The following ZNF721 variants were observed in gnomAD, a reference collection of about 807,000 sequenced individuals.
ZNF721 encodes zinc finger protein 721.
In ZNF721, 2 loss-of-function variants were observed where a neutral mutation model predicts 2.4. The observed-to-expected ratio is 0.82, with a 90% CI of 0.34 to 2.58. The LOEUF is 2.58. Among genes scored for constraint, ZNF721 ranks in the 30% most tolerant of loss-of-function variants. The pLI is 0.11. For missense variants in ZNF721, 1,187 were observed against 1,085.5 expected, an observed-to-expected ratio of 1.09 and a Z score of -1.31; for synonymous variants, 398 against 381.8, an observed-to-expected ratio of 1.04 and a Z score of -0.50.
chr4:478,532 GTTTATC>G (rs2108716820), intron 1 of ZNF721, among the ~76,000 whole-genome samples: 1 of 151,952 alleles, frequency 6.6e-6, no homozygotes, highest in South Asian at 2.1e-4. Flanking sequence ...AGCCCTCAAG[GTTTATC>G]TTTATAATAG....
rs1714240341 is a variant in ZNF721, at chr4:441,673, C to G, written c.*22G>C. The G allele has an allele frequency of 6.4e-7, 1 of 1,569,634 alleles. No individual in the cohort carries two copies. Among genetic ancestry groups the G allele is most frequent in the Admixed American group, 1.9e-5 (1 of 53,632 alleles). On this transcript the variant is annotated 3_prime_UTR_variant, in exon 3 of 3. Coordinates refer to ENST00000511833, the MANE Select transcript of ZNF721 (RefSeq NM_133474.4). ...TATGTTTAAGAATGCTGTAGTATGA[C>G]TTAAAGGCTTTGCCACATTCTTTAC...
intron 1 of ZNF721, among the ~76,000 whole-genome samples, chr4:482,896 C>T (rs185713358): frequency 1.3e-5 from 2 of 152,286 alleles, no homozygotes; most frequent in East Asian, 3.9e-4. Flanking sequence ...CAGGCAAAAA[C>T]CCAGATATAT....
At position 441,729 on chromosome 4, in the gene ZNF721, T is replaced by C. The variant is rs1553863124; in HGVS notation, c.2738A>G (p.Lys913Arg). ...RQSANLYAHK[K>R]IHTGDKTIQV The stretch of plus-strand genomic sequence containing the variant: ...TATGGTTTTATCTCCAGTATGAATT[T>C]TCTTATGTGCATAAAGATTTGCAGA... Residue 913 changes from lysine to arginine, a missense_variant, in exon 3 of 3, where the codon AAA becomes AGA. By Grantham distance (26) the Lys-to-Arg change is conservative (BLOSUM62 2). Coordinates refer to ENST00000511833, the MANE Select transcript of ZNF721 (RefSeq NM_133474.4). 1.2e-6 allele frequency: 2 copies of C among 1,612,738 alleles called. No homozygotes were observed. Among genetic ancestry groups the C allele is most frequent in the Admixed American group, 3.3e-5 (2 of 59,780 alleles).
In ZNF721 at chr4:499,123, C is replaced by G. The variant is rs900477435; in HGVS notation, c.-161G>C. On this transcript the variant is annotated 5_prime_UTR_variant, in exon 1 of 3. Transcript: ENST00000511833. ...GCCCCACGGAGCCGGGAACACCGCCCGCTGTTCGTATGTCCGAGGTGACGC... is the reference window on the plus strand; with the variant it reads ...GCCCCACGGAGCCGGGAACACCGCCGGCTGTTCGTATGTCCGAGGTGACGC... 3 of 576,856 alleles carry G rather than the reference C, an allele frequency of 5.2e-6. No individual in the cohort carries two copies. Among genetic ancestry groups the G allele is most frequent in the Non-Finnish European group, 8.9e-6 (3 of 336,222 alleles). The allele number at this position is 576,856 out of a possible 1,614,324, so 35.7% of individuals were successfully genotyped here.
At chr4:462,849 A>T (rs1004968423) in intron 2 of ZNF721, among the ~76,000 whole-genome samples, 16 of 152,310 alleles carry the variant, frequency 1.1e-4, no homozygotes, top group African/African-American at 3.6e-4. Flanking sequence ...ATGGGCAAAG[A>T]CTTCATGACT....
intron 1 of ZNF721, among the ~76,000 whole-genome samples, chr4:485,573 T>C: frequency 6.6e-6 from 1 of 152,168 alleles, no homozygotes; most frequent in Non-Finnish European, 1.5e-5. Flanking sequence ...ATTTGAGAAA[T>C]ATTATTTTCA....
Position 442,878 on chromosome 4 carries a change from G to A in ZNF721, c.1589C>T (p.Thr530Ile). 1.2e-6 allele frequency: 2 copies of A among 1,613,350 alleles called. No homozygotes were observed. Among genetic ancestry groups the A allele is most frequent in the Non-Finnish European group, 1.7e-6 (2 of 1,179,774 alleles). ...AAAGGCTTTGCCACATACTTCACAT[G>A]TGTAGGGTTTCTCTCCAGTATGAAT... ...RRIHTGEKPYTCEVCGKAFRQ... is the reference protein window; with the variant it reads ...RRIHTGEKPYICEVCGKAFRQ... Residue 530 changes from threonine to isoleucine, a missense_variant, in exon 3 of 3, where the codon ACA becomes ATA. Coordinates refer to ENST00000511833, the MANE Select transcript of ZNF721 (RefSeq NM_133474.4).
intron 1 of ZNF721, among the ~76,000 whole-genome samples, chr4:473,661 C>G (rs552642717): frequency 6.6e-6 from 1 of 152,218 alleles, no homozygotes; most frequent in Non-Finnish European, 1.5e-5. Flanking sequence ...GGGACAGGAC[C>G]CCTGGACCAC....
chr4:482,432 T>A (rs1183544032), intron 1 of ZNF721, among the ~76,000 whole-genome samples: 1 of 152,190 alleles, frequency 6.6e-6, no homozygotes, highest in Non-Finnish European at 1.5e-5. Flanking sequence ...CCCAAAGTGC[T>A]GGGATTACCA....
chr4:486,977 G>C (rs1715913738), intron 1 of ZNF721, among the ~76,000 whole-genome samples: 1 of 152,190 alleles, frequency 6.6e-6, no homozygotes, highest in Admixed American at 6.5e-5. Flanking sequence ...AGGAAACCTG[G>C]CTGAGTAGTG....
chr4:449,584 A>C (rs1319747474), intron 2 of ZNF721, among the ~76,000 whole-genome samples: 1 of 152,176 alleles, frequency 6.6e-6, no homozygotes, highest in Non-Finnish European at 1.5e-5. Context: ...TGCAAATGGG[A>C]TTACAACAAA....
intron 2 of ZNF721, among the ~76,000 whole-genome samples, chr4:468,723 A>C (rs571206691): frequency 6.6e-6 from 1 of 152,328 alleles, no homozygotes; most frequent in South Asian, 2.1e-4. Flanking sequence ...TAATCTCATC[A>C]GCCTGGGGAC....
intron 2 of ZNF721, among the ~76,000 whole-genome samples, chr4:457,317 G>A (rs1553865518): frequency 3.3e-5 from 5 of 152,124 alleles, no homozygotes. Flanking sequence ...CCTGAAAAAA[G>A]GAACTTTATG....
intron 1 of ZNF721, among the ~76,000 whole-genome samples, chr4:497,557 T>C (rs972113654): frequency 4.6e-5 from 7 of 152,022 alleles, no homozygotes; most frequent in African/African-American, 7.3e-5. Context: ...CTTGGTTGTA[T>C]TCATTTTAGG....
At position 442,179 on chromosome 4, in the gene ZNF721, T is replaced by G. The variant is rs1553863268; in HGVS notation, c.2288A>C (p.Lys763Thr). The G allele has an allele frequency of 6.2e-7, 1 of 1,612,382 alleles. No homozygotes were observed. The highest frequency in any genetic ancestry group is 1.1e-5 in the South Asian group (1 of 90,998). ...ATGTCTATTCAGGTGTGAGGACTGTTTAAACACTTTCCCACATTCTTTACA... is the reference window on the plus strand; with the variant it reads ...ATGTCTATTCAGGTGTGAGGACTGTGTAAACACTTTCCCACATTCTTTACA... Reference protein sequence around the residue: ...YKCKECGKVFKQSSHLNRHEK... With the variant: ...YKCKECGKVFTQSSHLNRHEK... The change falls in exon 3 of 3, where the codon AAA becomes ACA. Residue 763 changes from lysine (K) to threonine (T), a missense_variant. Lys to Thr is a moderately conservative substitution (Grantham distance 78). Transcript: ENST00000511833.
At position 461,460 on chromosome 4, in the gene ZNF721, A is replaced by G. The variant is rs1317930382; in HGVS notation, c.34+11115T>C. 2.7e-5 allele frequency among the ~76,000 whole-genome samples: 3 copies of G among 109,376 alleles called. No homozygotes were observed. The Admixed American group carries it at 2.8e-4, about 10-fold the overall frequency. The allele number at this position is 109,376 out of a possible 152,430, so 71.8% of individuals were successfully genotyped here. ...GTACTGATGGAATGTATCTCAAAAT[A>G]ATAAGAGCTATTTATGACAAACACA... On this transcript the variant is annotated intron_variant, in intron 2 of 2. Coordinates refer to ENST00000511833, the MANE Select transcript of ZNF721 (RefSeq NM_133474.4).
chr4:493,583 G>A (rs1716077961), intron 1 of ZNF721, among the ~76,000 whole-genome samples: 1 of 151,858 alleles, frequency 6.6e-6, no homozygotes. Context: ...GGAGGCTGAG[G>A]CAGGAGAATT....
intron 2 of ZNF721, among the ~76,000 whole-genome samples, chr4:455,635 AAAG>A (rs1280062449): frequency 2.1e-5 from 3 of 143,632 alleles, no homozygotes; most frequent in African/African-American, 7.6e-5. Flanking sequence ...AAAGAAAAAA[AAAG>A]AAAGAAAAAA....
intron 2 of ZNF721, among the ~76,000 whole-genome samples, chr4:450,956 A>AAT (rs71166812): frequency 6.0e-4 from 38 of 63,748 alleles, no homozygotes; most frequent in African/African-American, 1.8e-3. Flanking sequence ...AAAAAAAAAA[A>AAT]ATATATATAT....
Sources: gnomAD v4.1 joint callset for allele counts (sites outside exome capture counted in the v4.1 genomes callset) on GRCh38, gnomAD v4.1.1 for gene constraint, MANE v1.5 for transcripts, NCBI Gene and HGNC (gene_info 2026-07-23, HGNC 2026-07-21) for gene names.